Variants in CNTN4 observed in about 807,000 individuals in gnomAD.
The protein encoded by CNTN4 is contactin 4.
Under a neutral mutation model 122.5 loss-of-function variants are expected in CNTN4, and 77 were observed. That is an observed-to-expected ratio of 0.63 (90% CI 0.52 to 0.76). The LOEUF is 0.76. CNTN4 is among the 30% of genes least tolerant of loss of function. CNTN4 has a pLI of 0.00. For synonymous variants in CNTN4, 512 were observed against 447.0 expected (o/e 1.15, Z -1.83); for missense variants, 1,256 against 1,259.1 (o/e 1.00, Z 0.04).
At chr3:2,717,402 G>T (rs1295241706) in intron 4 of CNTN4, among the ~76,000 whole-genome samples, 2 of 152,116 alleles carry the variant, frequency 1.3e-5, no homozygotes, top group Non-Finnish European at 2.9e-5. Context: ...TTTAATAAGT[G>T]CCCTTGGCTG....
In CNTN4 at chr3:2,120,741, G is replaced by A. The variant is rs948769971; in HGVS notation, c.-145+20102G>A. 7.2e-5 allele frequency among the ~76,000 whole-genome samples: 11 copies of A among 151,980 alleles called. No homozygotes were observed. The South Asian group carries it at 1.5e-3, about 20-fold the overall frequency. On this transcript the variant is annotated intron_variant, in intron 2 of 24. Coordinates refer to ENST00000418658, the MANE Select transcript of CNTN4 (RefSeq NM_175607.3). ...TTAAGTATGCATGTGACTCTCACGA[G>A]TGTGGACTGCTAGCTAAGGCTGGCT...
intron 3 of CNTN4, among the ~76,000 whole-genome samples, chr3:2,465,270 G>A (rs2075454553): frequency 6.6e-6 from 1 of 152,126 alleles, no homozygotes; most frequent in African/African-American, 2.4e-5. Flanking sequence ...CTAACTAACT[G>A]TTCATCAATT....
At chr3:2,466,970 C>CTTTCTTTTTTTT (rs1392656721) in intron 3 of CNTN4, among the ~76,000 whole-genome samples, 25 of 115,788 alleles carry the variant, frequency 2.2e-4, no homozygotes, top group African/African-American at 7.8e-4. Context: ...TTCTTTCTTT[C>CTTTCTTTTTTTT]TTTTTTTTTT....
Position 2,939,981 on chromosome 3 carries a change from C to G in CNTN4, c.1358+14202C>G, listed in dbSNP as rs60298483. On this transcript the variant is annotated intron_variant, in intron 13 of 24. Transcript: ENST00000418658. ...TTCAAGGGCAGTTTTTCCAGAGCCA[C>G]TGTGGTAAACATTGACAGCACACCA... 7.0e-3 allele frequency among the ~76,000 whole-genome samples: 1,066 copies of G among 152,348 alleles called. 19 individuals carry two copies. Among genetic ancestry groups the G allele is most frequent in the African/African-American group, 0.025 (1,019 of 41,586 alleles).
At chr3:2,227,273 G>C (rs1005938880) in intron 2 of CNTN4, among the ~76,000 whole-genome samples, 2 of 152,024 alleles carry the variant, frequency 1.3e-5, no homozygotes, top group African/African-American at 4.8e-5. Flanking sequence ...AAGATAAGTT[G>C]GTAGATGATA....
At chr3:2,982,470 G>T (rs1156927020) in intron 13 of CNTN4, among the ~76,000 whole-genome samples, 2 of 152,314 alleles carry the variant, frequency 1.3e-5, no homozygotes, top group East Asian at 3.9e-4. Context: ...ATGTCATAAG[G>T]TCTCTGCTTC....
chr3:2,386,420 C>T (rs752016878), intron 3 of CNTN4, among the ~76,000 whole-genome samples: 2 of 152,208 alleles, frequency 1.3e-5, no homozygotes, highest in Non-Finnish European at 2.9e-5. Flanking sequence ...CTTTCCCCAT[C>T]TGGGGCCAGT....
chr3:3,004,423 C>G (rs552261214), intron 14 of CNTN4, among the ~76,000 whole-genome samples: 1 of 152,308 alleles, frequency 6.6e-6, no homozygotes, highest in African/African-American at 2.4e-5. Context: ...CACCCTTCCT[C>G]TCTATTTCTG....
chr3:2,999,653 AGG>A (rs1695851395), intron 14 of CNTN4, among the ~76,000 whole-genome samples: 2 of 152,046 alleles, frequency 1.3e-5, no homozygotes, highest in Non-Finnish European at 2.9e-5. Context: ...CATGGCAGAG[AGG>A]ATGGAACAGC....
intron 13 of CNTN4, among the ~76,000 whole-genome samples, chr3:2,952,587 G>T (rs1028689282): frequency 1.5e-4 from 23 of 152,034 alleles, no homozygotes; most frequent in African/African-American, 5.3e-4. Flanking sequence ...CTCTTTGATT[G>T]ACAGTATATA....
At chr3:2,413,592 G>C (rs1057110584) in intron 3 of CNTN4, among the ~76,000 whole-genome samples, 1 of 151,564 alleles carries the variant, frequency 6.6e-6, no homozygotes, top group Admixed American at 6.6e-5. Context: ...TGCCCAGGCT[G>C]AAGGGCAGTG....
intron 4 of CNTN4, among the ~76,000 whole-genome samples, chr3:2,727,279 C>T (rs1240747089): frequency 6.6e-6 from 1 of 152,224 alleles, no homozygotes; most frequent in Non-Finnish European, 1.5e-5. Flanking sequence ...GTCAGCACTG[C>T]ATAATCAAAC....
At chr3:2,101,823 T>G (rs1015503430) in intron 2 of CNTN4, among the ~76,000 whole-genome samples, 1 of 152,252 alleles carries the variant, frequency 6.6e-6, no homozygotes, top group African/African-American at 2.4e-5. Context: ...GTTGCTGTTA[T>G]GTATCCCGGT....
intron 3 of CNTN4, among the ~76,000 whole-genome samples, chr3:2,359,363 G>C (rs2045017614): frequency 2.6e-5 from 4 of 152,054 alleles, no homozygotes; most frequent in Non-Finnish European, 4.4e-5. Context: ...TGTTCACTTA[G>C]GAGTTCCTAT....
At chr3:2,909,697 A>G (rs2094278404) in intron 12 of CNTN4, among the ~76,000 whole-genome samples, 1 of 152,234 alleles carries the variant, frequency 6.6e-6, no homozygotes, top group Non-Finnish European at 1.5e-5. Context: ...TTAAAAAGCC[A>G]TTGAATTTTC....
intron 3 of CNTN4, among the ~76,000 whole-genome samples, chr3:2,458,921 G>A (rs2049099155): frequency 6.6e-6 from 1 of 152,134 alleles, no homozygotes; most frequent in South Asian, 2.1e-4. Context: ...TCTTTCGTCT[G>A]TACATTAGAC....
chr3:2,846,070 A>G (rs2150576186), intron 7 of CNTN4, among the ~76,000 whole-genome samples: 1 of 152,322 alleles, frequency 6.6e-6, no homozygotes, highest in Non-Finnish European at 1.5e-5. Flanking sequence ...GAAATGCTGA[A>G]TATTGGATTC....
At chr3:2,917,918 A>G (rs1243111215) in intron 12 of CNTN4, among the ~76,000 whole-genome samples, 1 of 134,940 alleles carries the variant, frequency 7.4e-6, no homozygotes, top group Non-Finnish European at 1.6e-5. Context: ...TTTTTTTTTT[A>G]ACAGAAGAAG....
chr3:2,571,570 T>C lies in CNTN4; in HGVS notation c.55+12T>C. 1.2e-6 allele frequency: 2 copies of C among 1,601,840 alleles called. No individual in the cohort carries two copies. The highest frequency in any genetic ancestry group is 1.7e-6 in the Non-Finnish European group (2 of 1,168,912). ...TTTGTGCCTTGCAGGTAGAGTGTCA[T>C]TTTAAAACTTTTTGATTTAGAAATG... On this transcript the variant is annotated intron_variant, in intron 4 of 24. Coordinates refer to ENST00000418658, the MANE Select transcript of CNTN4 (RefSeq NM_175607.3).
Sources: gnomAD v4.1 joint callset for allele counts (sites outside exome capture counted in the v4.1 genomes callset) on GRCh38, gnomAD v4.1.1 for gene constraint, MANE v1.5 for transcripts, NCBI Gene and HGNC (gene_info 2026-07-23, HGNC 2026-07-21) for gene names.